UBE2E2: variants seen among roughly 807,000 people sequenced by gnomAD.
UBE2E2 encodes ubiquitin-conjugating enzyme E2 E2.
A neutral mutation model predicts 24.7 loss-of-function variants in UBE2E2; 6 were observed. The ratio of observed to expected loss-of-function variants is 0.24; its 90% CI spans 0.13 to 0.48. The LOEUF (loss-of-function observed/expected upper bound fraction) is 0.48. Ranked by LOEUF, UBE2E2 falls within the 20% of genes least tolerant of loss-of-function variation. The probability of loss-of-function intolerance (pLI) is 0.99; values close to 1 mark genes in which losing one functional copy is unlikely to be tolerated. For missense variants in UBE2E2, 169 were observed against 245.0 expected, an observed-to-expected ratio of 0.69 and a Z score of 2.07; for synonymous variants, 104 against 83.6, an observed-to-expected ratio of 1.24 and a Z score of -1.33.
intron 3 of UBE2E2, among the ~76,000 whole-genome samples, chr3:23,358,458 A>G (rs1194358283): frequency 6.6e-6 from 1 of 152,230 alleles, no homozygotes; most frequent in Non-Finnish European, 1.5e-5. Context: ...TGTTCTATAT[A>G]ACAAACCTCT....
At chr3:23,338,523 C>T (rs1695278879) in intron 3 of UBE2E2, among the ~76,000 whole-genome samples, 1 of 152,136 alleles carries the variant, frequency 6.6e-6, no homozygotes, top group Non-Finnish European at 1.5e-5. Context: ...CCAGTCAATA[C>T]ACCCAGTACC....
Position 23,590,801 on chromosome 3 carries a change from C to G in UBE2E2, c.*970C>G, listed in dbSNP as rs1314250289. 6.6e-6 allele frequency: 1 copy of G among 152,302 alleles called. No homozygotes were observed. The allele number at this position is 152,302 out of a possible 1,614,324, so 9.4% of individuals were successfully genotyped here. ...AAATTGCTATCATTTTACATATTGACTGGGCATTCTTTCTGTTACAGCCTT... is the reference window on the plus strand; with the variant it reads ...AAATTGCTATCATTTTACATATTGAGTGGGCATTCTTTCTGTTACAGCCTT... On this transcript the variant is annotated 3_prime_UTR_variant, in exon 6 of 6. Coordinates refer to ENST00000396703, the MANE Select transcript of UBE2E2 (RefSeq NM_152653.4).
At chr3:23,354,069 C>G (rs541487270) in intron 3 of UBE2E2, among the ~76,000 whole-genome samples, 2 of 152,250 alleles carry the variant, frequency 1.3e-5, no homozygotes, top group South Asian at 2.1e-4. Flanking sequence ...ACAGAGCCCT[C>G]AGAAATAACG....
intron 5 of UBE2E2, among the ~76,000 whole-genome samples, chr3:23,554,266 T>C (rs911850018): frequency 1.3e-5 from 2 of 152,110 alleles, no homozygotes. Context: ...GGGCAACTAA[T>C]TTTCAAAAAG....
chr3:23,205,984 T>C (rs1696135156), intron 1 of UBE2E2, among the ~76,000 whole-genome samples: 1 of 152,226 alleles, frequency 6.6e-6, no homozygotes, highest in Non-Finnish European at 1.5e-5. Context: ...TATACACAAC[T>C]GAAACTCTCA....
chr3:23,257,527 C>G (rs1429045793), intron 3 of UBE2E2, among the ~76,000 whole-genome samples: 1 of 14,312 alleles, frequency 7.0e-5, no homozygotes, highest in Non-Finnish European at 1.3e-4. Flanking sequence ...CCCCCCCCCC[C>G]CACTTTTTTT....
rs1696537146 is a variant in UBE2E2, at chr3:23,583,537, A to C, written c.509-6197A>C. On this transcript the variant is annotated intron_variant, in intron 5 of 5. Coordinates refer to ENST00000396703, the MANE Select transcript of UBE2E2 (RefSeq NM_152653.4). This position sits in a 1 kb window ranked among gnomAD's most constrained non-coding sequence, Gnocchi z 4.1. ...CTTTGGGCAGTATGGCCATTTTAAC[A>C]AACTTCTTCCTTTCCATGAGCTTGG... Among the ~76,000 whole-genome samples the C allele has an allele frequency of 6.6e-6, 1 of 152,100 alleles. No homozygotes were observed. The highest frequency in any genetic ancestry group is 1.5e-5 in the Non-Finnish European group (1 of 67,988).
At chr3:23,322,433 A>G (rs1173608972) in intron 3 of UBE2E2, among the ~76,000 whole-genome samples, 1 of 152,176 alleles carries the variant, frequency 6.6e-6, no homozygotes, top group African/African-American at 2.4e-5. Flanking sequence ...TCCCAGTCTA[A>G]CATACTGTTT....
At chr3:23,266,069 C>G (rs1157035627) in intron 3 of UBE2E2, among the ~76,000 whole-genome samples, 2 of 152,172 alleles carry the variant, frequency 1.3e-5, no homozygotes, top group Non-Finnish European at 1.5e-5. Context: ...TCCCTGAATA[C>G]AGCACACTGA....
chr3:23,370,381 T>C (rs1244378584), intron 3 of UBE2E2, among the ~76,000 whole-genome samples: 3 of 152,172 alleles, frequency 2.0e-5, no homozygotes, highest in Non-Finnish European at 4.4e-5. Flanking sequence ...AATGTTGAAA[T>C]TGATTAACTA....
intron 3 of UBE2E2, among the ~76,000 whole-genome samples, chr3:23,488,152 C>G (rs1486853508): frequency 6.6e-6 from 1 of 151,638 alleles, no homozygotes; most frequent in Non-Finnish European, 1.5e-5. Context: ...TTTAACCTAC[C>G]TTGGAAACAA....
intron 3 of UBE2E2, among the ~76,000 whole-genome samples, chr3:23,250,719 A>G (rs1697552390): frequency 6.6e-6 from 1 of 152,358 alleles, no homozygotes; most frequent in South Asian, 2.1e-4. Context: ...TCTATCAGTC[A>G]TTAAGAATTA....
At chr3:23,500,481 T>C (rs1699697201) in intron 4 of UBE2E2, among the ~76,000 whole-genome samples, 1 of 152,216 alleles carries the variant, frequency 6.6e-6, no homozygotes. Flanking sequence ...GTTTTAAATA[T>C]TGTGTCGTCT....
chr3:23,236,215 T>A (rs1473350554), intron 3 of UBE2E2, among the ~76,000 whole-genome samples: 1 of 152,062 alleles, frequency 6.6e-6, no homozygotes, highest in Non-Finnish European at 1.5e-5. Context: ...TTAATGAAAT[T>A]TTCAAGTGAA....
At chr3:23,506,751 A>C (rs1694468375) in intron 4 of UBE2E2, among the ~76,000 whole-genome samples, 1 of 152,076 alleles carries the variant, frequency 6.6e-6, no homozygotes, top group South Asian at 2.1e-4. Flanking sequence ...TTCCCACCCC[A>C]GCCTCCCAAA....
At chr3:23,255,692 C>T (rs967555639) in intron 3 of UBE2E2, among the ~76,000 whole-genome samples, 1 of 152,008 alleles carries the variant, frequency 6.6e-6, no homozygotes. Flanking sequence ...AACATTTTGC[C>T]TTTTATCACA....
At chr3:23,388,005 A>C (rs144906154) in intron 3 of UBE2E2, among the ~76,000 whole-genome samples, 1 of 152,204 alleles carries the variant, frequency 6.6e-6, no homozygotes, top group Non-Finnish European at 1.5e-5. Context: ...AAAGAGGACA[A>C]AAAAATTCCT....
chr3:23,434,669 T>G (rs978887222), intron 3 of UBE2E2, among the ~76,000 whole-genome samples: 2 of 152,140 alleles, frequency 1.3e-5, no homozygotes, highest in Non-Finnish European at 2.9e-5. Flanking sequence ...TGCATAAAAA[T>G]TGAAAGGCAT....
chr3:23,396,305 A>G (rs978406460), intron 3 of UBE2E2, among the ~76,000 whole-genome samples: 2 of 120,548 alleles, frequency 1.7e-5, no homozygotes, highest in African/African-American at 6.5e-5. Context: ...TTTATTTTTT[A>G]TATATATATA....
Sources: gnomAD v4.1 joint callset for allele counts (sites outside exome capture counted in the v4.1 genomes callset) on GRCh38, gnomAD v4.1.1 for gene constraint, Gnocchi (gnomAD v3.1) non-coding constraint, MANE v1.5 for transcripts, NCBI Gene and HGNC (gene_info 2026-07-23, HGNC 2026-07-21) for gene names.